The following WWOX variants were observed in gnomAD, a reference collection of about 807,000 sequenced individuals.
The protein encoded by WWOX is WW domain containing oxidoreductase, also known as WW domain-containing oxidoreductase.
In WWOX, 69 loss-of-function variants were observed where a neutral mutation model predicts 46.2. The ratio of observed to expected loss-of-function variants is 1.49; its 90% confidence interval spans 1.23 to 1.82. The LOEUF (loss-of-function observed/expected upper bound fraction) is 1.82, where lower values mean the gene tolerates loss of function less well. Ranked by LOEUF, WWOX falls within the 40% of genes most tolerant of loss-of-function variation. The pLI is 0.00. For missense variants in WWOX, 919 were observed against 542.6 expected (o/e 1.69, Z -6.89); for synonymous variants, 359 against 202.6 (o/e 1.77, Z -6.56).
At chr16:78,578,286 T>TA (rs1203362503) in intron 8 of WWOX, among the ~76,000 whole-genome samples, 9 of 19,100 alleles carry the variant, frequency 4.7e-4, no homozygotes, top group South Asian at 2.0e-3. Context: ...ATATATATAT[T>TA]TTTTTTTTTT....
chr16:78,951,891 G>A (rs1281535910), intron 8 of WWOX, among the ~76,000 whole-genome samples: 2 of 152,174 alleles, frequency 1.3e-5, no homozygotes, highest in Non-Finnish European at 2.9e-5. Flanking sequence ...ATGTGGGTGA[G>A]AGGACAGTGG....
At chr16:78,643,814 GC>G (rs1042960796) in intron 8 of WWOX, among the ~76,000 whole-genome samples, 1 of 135,632 alleles carries the variant, frequency 7.4e-6, no homozygotes, top group Non-Finnish European at 1.6e-5. Flanking sequence ...ATGGAGGAAA[GC>G]CCCCTAACTC....
At chr16:78,359,869 C>A (rs1380651132) in intron 5 of WWOX, among the ~76,000 whole-genome samples, 1 of 152,134 alleles carries the variant, frequency 6.6e-6, no homozygotes, top group Non-Finnish European at 1.5e-5. Flanking sequence ...TGTTTTGACA[C>A]AGCAAAAACA....
At chr16:78,941,127 T>G (rs1207500693) in intron 8 of WWOX, among the ~76,000 whole-genome samples, 1 of 152,114 alleles carries the variant, frequency 6.6e-6, no homozygotes, top group Non-Finnish European at 1.5e-5. Flanking sequence ...AAAGCGTTCT[T>G]GCAGTTAGAT....
At position 78,497,184 on chromosome 16, in the gene WWOX, G is replaced by C. The variant is rs140767831; in HGVS notation, c.1056+64432G>C. On this transcript the variant is annotated intron_variant, in intron 8 of 8. Coordinates refer to ENST00000566780, the MANE Select transcript of WWOX (RefSeq NM_016373.4). ...TGGTGGTGTTTGGAAAGACTCAATAGCATATGCACATGAGGAAGTTGACCA... is the reference window on the plus strand; with the variant it reads ...TGGTGGTGTTTGGAAAGACTCAATACCATATGCACATGAGGAAGTTGACCA... Among the ~76,000 whole-genome samples, 1,054 of 152,288 alleles carry C rather than the reference G, an allele frequency of 6.9e-3. 12 individuals carry two copies. The highest frequency in any genetic ancestry group is 0.021 in the African/African-American group (877 of 41,560).
intron 8 of WWOX, among the ~76,000 whole-genome samples, chr16:78,757,354 C>CGGAGGG (rs1387777109): frequency 6.6e-6 from 1 of 152,030 alleles, no homozygotes; most frequent in African/African-American, 2.4e-5. Flanking sequence ...CCCAGCACCC[C>CGGAGGG]AGCATGACCA....
chr16:78,315,028 T>C (rs1287436383), intron 5 of WWOX, among the ~76,000 whole-genome samples: 1 of 152,232 alleles, frequency 6.6e-6, no homozygotes, highest in Non-Finnish European at 1.5e-5. Context: ...CATTTCATTC[T>C]AGCCTTTCTG....
intron 8 of WWOX, among the ~76,000 whole-genome samples, chr16:79,008,454 G>A (rs931394764): frequency 6.6e-6 from 1 of 152,086 alleles, no homozygotes; most frequent in African/African-American, 2.4e-5. Context: ...CACTCAGGGG[G>A]GCAAATTATC....
At chr16:78,648,891 G>A (rs2046904624) in intron 8 of WWOX, among the ~76,000 whole-genome samples, 1 of 152,096 alleles carries the variant, frequency 6.6e-6, no homozygotes, top group Admixed American at 6.6e-5. Context: ...TTTTACACTA[G>A]CTTTGCACTA....
chr16:78,765,742 C>T (rs948395693), intron 8 of WWOX, among the ~76,000 whole-genome samples: 1 of 152,046 alleles, frequency 6.6e-6, no homozygotes, highest in Non-Finnish European at 1.5e-5. Flanking sequence ...GGCAGTTGTG[C>T]CGAGGAGGGA....
chr16:78,796,294 C>T (rs978412270), intron 8 of WWOX, among the ~76,000 whole-genome samples: 11 of 152,206 alleles, frequency 7.2e-5, no homozygotes, highest in African/African-American at 2.7e-4. Flanking sequence ...TGGGCTCAGC[C>T]ATACCCTGGA....
chr16:78,813,173 C>G (rs2051235988), intron 8 of WWOX, among the ~76,000 whole-genome samples: 2 of 151,310 alleles, frequency 1.3e-5, no homozygotes, highest in Non-Finnish European at 2.9e-5. Context: ...CTCAAATGTA[C>G]CTTTAATATT....
chr16:78,612,633 G>A (rs1021883202), intron 8 of WWOX, among the ~76,000 whole-genome samples: 1 of 152,076 alleles, frequency 6.6e-6, no homozygotes, highest in African/African-American at 2.4e-5. Flanking sequence ...TACCACACCT[G>A]GCTATTTTTA....
At chr16:78,458,008 C>G (rs1217456191) in intron 8 of WWOX, among the ~76,000 whole-genome samples, 9 of 150,890 alleles carry the variant, frequency 6.0e-5, no homozygotes, top group African/African-American at 2.2e-4. Context: ...ACCTGGGAGG[C>G]GGAGGTTGCA....
At chr16:78,791,627 C>T (rs962323682) in intron 8 of WWOX, among the ~76,000 whole-genome samples, 2 of 152,018 alleles carry the variant, frequency 1.3e-5, no homozygotes, top group Admixed American at 6.6e-5. Context: ...CCTGTAATCC[C>T]AGCACTTTGG....
intron 8 of WWOX, among the ~76,000 whole-genome samples, chr16:79,117,106 A>G (rs1243184388): frequency 6.6e-6 from 1 of 152,060 alleles, no homozygotes; most frequent in Non-Finnish European, 1.5e-5. Context: ...GCATGACTGC[A>G]GCTCAAATTA....
At chr16:78,236,131 G>C (rs2037429720) in intron 5 of WWOX, among the ~76,000 whole-genome samples, 1 of 152,186 alleles carries the variant, frequency 6.6e-6, no homozygotes, top group African/African-American at 2.4e-5. Flanking sequence ...TCTGACTCTG[G>C]TGTTCAGATC....
At chr16:78,548,283 C>A (rs904752528) in intron 8 of WWOX, among the ~76,000 whole-genome samples, 4 of 151,738 alleles carry the variant, frequency 2.6e-5, no homozygotes, top group African/African-American at 9.7e-5. Context: ...TGGCAGTAGC[C>A]CTTGGATCCC....
intron 8 of WWOX, among the ~76,000 whole-genome samples, chr16:79,075,275 C>T (rs961496451): frequency 7.9e-5 from 12 of 152,118 alleles, no homozygotes; most frequent in African/African-American, 2.7e-4. Context: ...ATTCTACATT[C>T]GTTTTTTAAC....
Sources: gnomAD v4.1 joint callset for allele counts (sites outside exome capture counted in the v4.1 genomes callset) on GRCh38, gnomAD v4.1.1 for gene constraint, MANE v1.5 for transcripts, NCBI Gene and HGNC (gene_info 2026-07-23, HGNC 2026-07-21) for gene names.